The following ABCC9 variants were observed in gnomAD, a reference collection of about 807,000 sequenced individuals.
ABCC9 encodes ATP binding cassette subfamily C member 9.
Under a neutral mutation model 188.3 loss-of-function variants are expected in ABCC9, and 95 were observed. The observed-to-expected ratio is 0.50, with a 90% confidence interval of 0.43 to 0.60. The LOEUF (loss-of-function observed/expected upper bound fraction) is 0.60. Ranked by LOEUF, ABCC9 falls within the 20% of genes least tolerant of loss-of-function variation. The probability of loss-of-function intolerance (pLI) is 0.00; values close to 1 mark genes in which losing one functional copy is unlikely to be tolerated. For missense variants in ABCC9, 1,102 were observed against 1,876.3 expected (o/e 0.59, Z 7.62); for synonymous variants, 659 against 652.7 (o/e 1.01, Z -0.15).
intron 35 of ABCC9, 50 bp downstream of exon 35, chr12:21,814,594 T>G (rs745787969): frequency 6.7e-7 from 1 of 1,485,236 alleles, no homozygotes; most frequent in Non-Finnish European, 9.4e-7. Flanking sequence ...TGATGTTTTT[T>G]TAAAGGAAAG....
At chr12:21,899,291 G>T (rs1010276316) in intron 12 of ABCC9, among the ~76,000 whole-genome samples, 1 of 152,182 alleles carries the variant, frequency 6.6e-6, no homozygotes, top group Non-Finnish European at 1.5e-5. Flanking sequence ...GTTTGAGAAA[G>T]ATGTTAACAT....
chr12:21,940,308 T>G (rs1478346089), intron 2 of ABCC9, among the ~76,000 whole-genome samples: 2 of 152,254 alleles, frequency 1.3e-5, no homozygotes, highest in Non-Finnish European at 2.9e-5. Context: ...AACCAAATTC[T>G]GTTATGAAAG....
rs746467455 is a variant in ABCC9 at position 21,894,163 on chromosome 12, G to A, written c.1671C>T (p.Thr557=). ...PIAAVLATFV[T]HAYASGNNLK... ...GATTGTTTCCACTGGCATACGCATG[G>A]GTCACAAATGTCTGTGCAAAGAAAG... The change falls in exon 14 of 40, where the codon ACC becomes ACT. Residue 557 remains threonine, a synonymous_variant. Coordinates refer to ENST00000261200, the MANE Select transcript of ABCC9 (RefSeq NM_020297.4). 2 of 1,613,920 alleles carry A rather than the reference G, an allele frequency of 1.2e-6. No homozygotes were observed. The highest frequency in any genetic ancestry group is 2.2e-5 in the East Asian group (1 of 44,874).
intron 7 of ABCC9, among the ~76,000 whole-genome samples, chr12:21,915,241 G>A (rs1308284206): frequency 4.6e-5 from 6 of 130,448 alleles, no homozygotes; most frequent in African/African-American, 1.7e-4. Flanking sequence ...GTGTGTGTGT[G>A]TGTGTGTGTG....
At chr12:21,851,832 T>G (rs1215520201) in intron 24 of ABCC9, among the ~76,000 whole-genome samples, 1 of 152,170 alleles carries the variant, frequency 6.6e-6, no homozygotes, top group African/African-American at 2.4e-5. Flanking sequence ...TAAACACACA[T>G]ATAATTGCAC....
intron 16 of ABCC9, among the ~76,000 whole-genome samples, chr12:21,878,300 T>A (rs1169557675): frequency 6.6e-6 from 1 of 152,160 alleles, no homozygotes; most frequent in African/African-American, 2.4e-5. Flanking sequence ...GTGGTATAAA[T>A]GAAAAATTAA....
At chr12:21,881,906 C>T (rs76828956) in intron 16 of ABCC9, among the ~76,000 whole-genome samples, 1 of 151,982 alleles carries the variant, frequency 6.6e-6, no homozygotes, top group Admixed American at 6.6e-5. Flanking sequence ...AGTAATTTGC[C>T]CAAATATCAT....
At chr12:21,915,515 T>TATATATATATATATATATA (rs1178646929) in intron 7 of ABCC9, among the ~76,000 whole-genome samples, 153 bp downstream of exon 7, 1 of 11,532 alleles carries the variant, frequency 8.7e-5, no homozygotes, top group African/African-American at 2.7e-4. Context: ...TATATATATA[T>TATATATATATATATATATA]TTTTTTTTTT....
intron 34 of ABCC9, among the ~76,000 whole-genome samples, chr12:21,815,548 T>G (rs1942552433): frequency 6.6e-6 from 1 of 152,212 alleles, no homozygotes; most frequent in African/African-American, 2.4e-5. Context: ...TTTTCTGATC[T>G]CCATGGGAGA....
intron 4 of ABCC9, among the ~76,000 whole-genome samples, chr12:21,928,430 A>AAAAAG (rs374136277): frequency 6.7e-6 from 1 of 148,272 alleles, no homozygotes; most frequent in East Asian, 1.9e-4. Context: ...GAAGAAAGAA[A>AAAAAG]AAAAGAAAAG....
At chr12:21,927,075 T>C (rs1351548820) in intron 4 of ABCC9, among the ~76,000 whole-genome samples, 2 of 152,040 alleles carry the variant, frequency 1.3e-5, no homozygotes, top group Non-Finnish European at 2.9e-5. Context: ...TGGAAAGGAA[T>C]CCACTGGTCA....
At chr12:21,899,996 A>G (rs1947638665) in intron 12 of ABCC9, among the ~76,000 whole-genome samples, 1 of 152,224 alleles carries the variant, frequency 6.6e-6, no homozygotes, top group East Asian at 1.9e-4. Context: ...GGATCTGAGA[A>G]TGGAGAGACT....
intron 31 of ABCC9, chr12:21,827,189 T>A: frequency 2.0e-6 from 2 of 985,486 alleles, no homozygotes; most frequent in Non-Finnish European, 2.4e-6. Context: ...TAATTTTTCC[T>A]GACCTTCCCT....
intron 25 of ABCC9, 121 bp downstream of exon 25, chr12:21,848,029 T>G: frequency 1.2e-6 from 1 of 800,270 alleles, no homozygotes. Context: ...CAGTATTACT[T>G]GATTTAATTT....
At chr12:21,872,197 T>C (rs1003084273) in intron 18 of ABCC9, among the ~76,000 whole-genome samples, 3 of 152,222 alleles carry the variant, frequency 2.0e-5, no homozygotes, top group Non-Finnish European at 2.9e-5. Flanking sequence ...TTCACTTTCT[T>C]ATACAGATTT....
chr12:21,931,650 T>C lies in ABCC9; in HGVS notation c.284+2132A>G, dbSNP rs573866896. Among the ~76,000 whole-genome samples the C allele has an allele frequency of 2.0e-5, 3 of 152,268 alleles. No individual in the cohort carries two copies. In the South Asian group the frequency reaches 6.2e-4, roughly 32 times the overall value. ...ATCTACATATCAACCAGAGGAGTCT[T>C]CTTGTCCACATGATGTCAAGTTTCA... On this transcript the variant is annotated intron_variant, in intron 4 of 39. Transcript: ENST00000261200.
intron 39 of ABCC9, among the ~76,000 whole-genome samples, chr12:21,804,438 C>G (rs181569829): frequency 6.6e-6 from 1 of 152,338 alleles, no homozygotes; most frequent in East Asian, 1.9e-4. Context: ...AGGGAGTTCT[C>G]TCTCTTCCAA....
Position 21,817,308 on chromosome 12 carries a change from C to T in ABCC9, c.3772-1G>A, listed in dbSNP as rs753374036. On this transcript the variant is annotated splice_acceptor_variant, in intron 32 of 39. Transcript: ENST00000261200. LOFTEE classifies it high-confidence loss of function. Reference sequence around the variant, plus strand: ...CAACCCAATTCAAATAATTGGTTATCTGTGTCAGGTGATTAAAAAAATTGT... The same window carrying T: ...CAACCCAATTCAAATAATTGGTTATTTGTGTCAGGTGATTAAAAAAATTGT... 2 of 1,613,472 alleles carry T rather than the reference C, an allele frequency of 1.2e-6. No homozygotes were observed. The highest frequency in any genetic ancestry group is 8.5e-7 in the Non-Finnish European group (1 of 1,179,698).
At chr12:21,819,099 T>A (rs1172003032) in intron 31 of ABCC9, among the ~76,000 whole-genome samples, 1 of 152,202 alleles carries the variant, frequency 6.6e-6, no homozygotes, top group Admixed American at 6.5e-5. Flanking sequence ...GATGGGAACA[T>A]CTGTCCATTT....
Sources: allele counts gnomAD v4.1 joint callset (sites outside exome capture counted in the v4.1 genomes callset), GRCh38; gene constraint gnomAD v4.1.1; transcripts MANE v1.5; gene names NCBI Gene and HGNC (gene_info 2026-07-23, HGNC 2026-07-21).